RANBP17: variants seen among roughly 807,000 people sequenced by gnomAD.
RANBP17 encodes the protein ran-binding protein 17.
In RANBP17, 158 loss-of-function variants were observed where a neutral mutation model predicts 141.2. The observed-to-expected ratio is 1.12, with a 90% confidence interval of 0.98 to 1.28. The LOEUF (loss-of-function observed/expected upper bound fraction) is 1.28. RANBP17 is among the 50% of genes most tolerant of loss of function. The pLI is 0.00. For missense variants in RANBP17, 1,438 were observed against 1,290.7 expected, an observed-to-expected ratio of 1.11 and a Z score of -1.75; for synonymous variants, 430 against 450.0, an observed-to-expected ratio of 0.96 and a Z score of 0.56.
At position 171,284,210 on chromosome 5, in the gene RANBP17, C is replaced by G. The variant is rs573534414; in HGVS notation, c.2944-9673C>G. ...CCATTCATTGCCATAGCCACCTAAA[C>G]AGCAGCCACCTCTACACTACCTGTA... On this transcript the variant is annotated intron_variant, in intron 25 of 27. Coordinates refer to ENST00000523189, the MANE Select transcript of RANBP17 (RefSeq NM_022897.5). 7.5e-4 allele frequency among the ~76,000 whole-genome samples: 114 copies of G among 152,326 alleles called. 1 individual carries two copies. Among genetic ancestry groups the G allele is most frequent in the African/African-American group, 2.7e-3 (113 of 41,572 alleles).
At chr5:171,262,419 G>A (rs770860586) in intron 24 of RANBP17, among the ~76,000 whole-genome samples, 5 of 152,102 alleles carry the variant, frequency 3.3e-5, no homozygotes, top group African/African-American at 9.7e-5. Context: ...CAGTTAATAC[G>A]GAGAGATGCA....
chr5:171,060,924 C>T (rs2127671638), intron 14 of RANBP17, among the ~76,000 whole-genome samples: 1 of 148,058 alleles, frequency 6.8e-6, no homozygotes, highest in East Asian at 2.0e-4. Flanking sequence ...TTATCCATTT[C>T]TTCTAGATTT....
intron 3 of RANBP17, among the ~76,000 whole-genome samples, chr5:170,884,991 A>G (rs1200667483): frequency 2.0e-5 from 3 of 152,152 alleles, no homozygotes; most frequent in African/African-American, 4.8e-5. Flanking sequence ...AGCAATTTGT[A>G]GGAAACTTTG....
rs1554127520 is a variant in RANBP17, at chr5:171,274,149, TGCGCGC to T, written c.2943+8312_2943+8317del. Among the ~76,000 whole-genome samples, 17 of 126,792 alleles carry T rather than the reference TGCGCGC, an allele frequency of 1.3e-4. No homozygotes were observed. In the South Asian group the frequency reaches 3.5e-3, roughly 26 times the overall value. 83.2% of individuals were successfully genotyped at this position (126,792 alleles called of 152,430 possible). A position where few individuals can be genotyped will look rare whatever the true frequency, so the allele number is the denominator to read the frequency against. ...GTGTGTGTGTGTGTGTGTGTGTGTG[TGCGCGC>T]GCGCGCGCGTGCGCAAAATCTAACT... On this transcript the variant is annotated intron_variant, in intron 25 of 27. Coordinates refer to ENST00000523189, the MANE Select transcript of RANBP17 (RefSeq NM_022897.5).
chr5:170,970,266 AAG>A (rs1262457666), intron 14 of RANBP17, among the ~76,000 whole-genome samples: 1 of 151,880 alleles, frequency 6.6e-6, no homozygotes, highest in Non-Finnish European at 1.5e-5. Context: ...TTGTGGCAAA[AAG>A]TGGGAGAATA....
At chr5:171,236,635 GAAAA>G (rs1250693404) in intron 22 of RANBP17, among the ~76,000 whole-genome samples, 1 of 148,202 alleles carries the variant, frequency 6.7e-6, no homozygotes, top group Non-Finnish European at 1.5e-5. Flanking sequence ...GAACTTACAG[GAAAA>G]AAAAAACTGA....
chr5:170,878,120 A>G lies in RANBP17; in HGVS notation c.42A>G (p.Leu14=), dbSNP rs1356387815. The change falls in exon 2 of 28, where the codon TTA becomes TTG. Residue 14 remains leucine (L), a synonymous_variant. Transcript: ENST00000523189. ...AGAGTTTGGCTGAATTGGAAGTGTT[A>G]TGTACTCATCTCTACATAGGGACTG... ...HFQSLAELEV[L]CTHLYIGTDL... The G allele has an allele frequency of 1.2e-6, 2 of 1,603,048 alleles. No individual in the cohort carries two copies. The highest frequency in any genetic ancestry group is 1.7e-6 in the Non-Finnish European group (2 of 1,175,342).
Position 171,299,755 on chromosome 5 carries a change from C to T in RANBP17, c.*897C>T, listed in dbSNP as rs1769020187. ...GAAATAGCTGGTTTCCAACTCTCCACAAAAACTCTTATTACTGTTGGGACT... is the reference window on the plus strand; with the variant it reads ...GAAATAGCTGGTTTCCAACTCTCCATAAAAACTCTTATTACTGTTGGGACT... On this transcript the variant is annotated 3_prime_UTR_variant, in exon 28 of 28. Coordinates refer to ENST00000523189, the MANE Select transcript of RANBP17 (RefSeq NM_022897.5). 4.4e-6 allele frequency: 1 copy of T among 226,672 alleles called. No individual in the cohort carries two copies. The allele number at this position is 226,672 out of a possible 1,614,324, so 14.0% of individuals were successfully genotyped here.
chr5:171,125,260 G>A (rs1288060815), intron 14 of RANBP17, among the ~76,000 whole-genome samples: 2 of 145,842 alleles, frequency 1.4e-5, no homozygotes, highest in Non-Finnish European at 3.0e-5. Flanking sequence ...TCACACCAAT[G>A]TGCTCCAGCG....
At chr5:170,951,273 T>C (rs1775187647) in intron 12 of RANBP17, among the ~76,000 whole-genome samples, 1 of 152,246 alleles carries the variant, frequency 6.6e-6, no homozygotes, top group South Asian at 2.1e-4. Context: ...GCAATAGATA[T>C]GCCAAATACC....
chr5:171,151,871 G>T (rs75184585), intron 14 of RANBP17, among the ~76,000 whole-genome samples: 7,977 of 152,102 alleles, frequency 0.052, 258 homozygotes, highest in East Asian at 0.12. Flanking sequence ...GAGAGGGCTG[G>T]TTTTTCTGCA....
chr5:171,261,082 A>ACC (rs1554125336), intron 24 of RANBP17, among the ~76,000 whole-genome samples: 3 of 31,810 alleles, frequency 9.4e-5, no homozygotes, highest in African/African-American at 2.5e-4. Context: ...TTCACCCCCC[A>ACC]CCCCCCCCAA....
In RANBP17 at chr5:171,138,373, A is replaced by G. The variant is rs1229394983; in HGVS notation, c.1711-31757A>G. On this transcript the variant is annotated intron_variant, in intron 14 of 27. Coordinates refer to ENST00000523189, the MANE Select transcript of RANBP17 (RefSeq NM_022897.5). ...TACATAAGGTTGACTCATGAATGCC[A>G]TAAGAATAACTGGGCTAGATAGTTA... Among the ~76,000 whole-genome samples the G allele has an allele frequency of 5.9e-5, 9 of 152,178 alleles. No individual in the cohort carries two copies. In the East Asian group the frequency reaches 7.7e-4, roughly 13 times the overall value.
chr5:170,869,688 T>A (rs1387756683), intron 1 of RANBP17, among the ~76,000 whole-genome samples: 1 of 152,132 alleles, frequency 6.6e-6, no homozygotes, highest in Non-Finnish European at 1.5e-5. Context: ...CTCCTTTCTC[T>A]TATAGGAATA....
intron 12 of RANBP17, among the ~76,000 whole-genome samples, chr5:170,936,767 C>T (rs1332692146): frequency 6.6e-6 from 1 of 151,970 alleles, no homozygotes; most frequent in Non-Finnish European, 1.5e-5. Context: ...TTATTGATTT[C>T]TTTTGTCTGT....
At chr5:171,001,641 G>A (rs1561974248) in intron 14 of RANBP17, among the ~76,000 whole-genome samples, 2 of 152,104 alleles carry the variant, frequency 1.3e-5, no homozygotes, top group South Asian at 2.1e-4. Flanking sequence ...TAAGTTGGAG[G>A]CTGAGCTTGG....
intron 11 of RANBP17, among the ~76,000 whole-genome samples, chr5:170,923,846 T>A (rs557388664): frequency 6.6e-6 from 1 of 152,314 alleles, no homozygotes; most frequent in South Asian, 2.1e-4. Flanking sequence ...CCTCGTATGC[T>A]ATGACCTTAG....
intron 14 of RANBP17, among the ~76,000 whole-genome samples, chr5:171,141,488 C>T (rs189460643): frequency 3.3e-5 from 5 of 149,838 alleles, no homozygotes; most frequent in East Asian, 2.0e-4. Flanking sequence ...GCACCTGTAG[C>T]GCCAGCTTCT....
Position 170,955,582 on chromosome 5 carries a change from GTATATATATATA to G in RANBP17, c.1574+1896_1574+1907del, listed in dbSNP as rs869169939. Among the ~76,000 whole-genome samples, 32 of 41,674 alleles carry G rather than the reference GTATATATATATA, an allele frequency of 7.7e-4. 2 individuals carry two copies. In the South Asian group the frequency reaches 0.031, roughly 40 times the overall value. 27.3% of individuals were successfully genotyped at this position (41,674 alleles called of 152,430 possible). On this transcript the variant is annotated intron_variant, in intron 13 of 27. Transcript: ENST00000523189. Reference sequence around the variant, plus strand: ...ATATATATATATGCTCAGTCTGTGTGTATATATATATATATATATATATATATGCTCAGTGTA... The same window carrying G: ...ATATATATATATGCTCAGTCTGTGTGTATATATATATATATGCTCAGTGTA...
Sources: gnomAD v4.1 joint callset for allele counts (sites outside exome capture counted in the v4.1 genomes callset) on GRCh38, gnomAD v4.1.1 for gene constraint, MANE v1.5 for transcripts, NCBI Gene and HGNC (gene_info 2026-07-23, HGNC 2026-07-21) for gene names.